The following GALNTL5 variants were observed in gnomAD, a reference collection of about 807,000 sequenced individuals.
GALNTL5 encodes inactive polypeptide N-acetylgalactosaminyltransferase-like protein 5.
GALNTL5 carries 44 observed loss-of-function variants against 51.0 expected under a neutral mutation model. The observed-to-expected ratio is 0.86, with a 90% CI of 0.68 to 1.11. The LOEUF (loss-of-function observed/expected upper bound fraction) is 1.11, where lower values mean the gene tolerates loss of function less well. Among genes scored for constraint, GALNTL5 ranks in the 50% least tolerant of loss-of-function variants. The pLI, the probability that GALNTL5 is intolerant of heterozygous loss-of-function variation, is 0.00. For missense variants in GALNTL5, 528 were observed against 531.8 expected (o/e 0.99, Z 0.07); for synonymous variants, 192 against 182.8 (o/e 1.05, Z -0.41).
chr7:151,987,874 C>T (rs116816758), intron 5 of GALNTL5, among the ~76,000 whole-genome samples: 3,001 of 152,268 alleles, frequency 0.02, 95 homozygotes, highest in African/African-American at 0.068. Context: ...AAAGGCTGCC[C>T]GTTAGGGAGA....
chr7:151,994,741 C>CT (rs1259381950), intron 5 of GALNTL5, among the ~76,000 whole-genome samples: 1 of 146,474 alleles, frequency 6.8e-6, no homozygotes, highest in Non-Finnish European at 1.5e-5. Flanking sequence ...CTATCCCTCT[C>CT]TATCATCACC....
chr7:152,000,595 T>C (rs1172144946), intron 5 of GALNTL5, among the ~76,000 whole-genome samples: 3 of 152,206 alleles, frequency 2.0e-5, no homozygotes, highest in Non-Finnish European at 4.4e-5. Context: ...ATTGTCTGTC[T>C]TTTTCATTCT....
rs34271081 is a variant in GALNTL5, at chr7:152,007,413, C to CTTT, written c.909-394_909-392dup. ...GATAATTTTAGTATTAATGTTTTCTCTTTTTTTTTTTTTTTTTTTTTTGAG... is the reference window on the plus strand; with the variant it reads ...GATAATTTTAGTATTAATGTTTTCTCTTTTTTTTTTTTTTTTTTTTTTTTTGAG... On this transcript the variant is annotated intron_variant, in intron 6 of 8. Coordinates refer to ENST00000392800, the MANE Select transcript of GALNTL5 (RefSeq NM_145292.4). 2.3e-3 allele frequency among the ~76,000 whole-genome samples: 258 copies of CTTT among 109,924 alleles called. 1 individual carries two copies. Among genetic ancestry groups the CTTT allele is most frequent in the African/African-American group, 3.9e-3 (114 of 29,260 alleles). 72.1% of individuals were successfully genotyped at this position (109,924 alleles called of 152,430 possible).
chr7:151,994,322 ACT>A (rs2081465916), intron 5 of GALNTL5, among the ~76,000 whole-genome samples: 1 of 151,200 alleles, frequency 6.6e-6, no homozygotes, highest in Non-Finnish European at 1.5e-5. Context: ...TTTTTTATCA[ACT>A]CTATTGAGAT....
intron 3 of GALNTL5, among the ~76,000 whole-genome samples, chr7:151,980,891 A>G (rs111766388): frequency 0.019 from 2,728 of 141,696 alleles, 122 homozygotes; most frequent in East Asian, 0.085. Flanking sequence ...GACTACAGGC[A>G]CCCGCCACTG....
rs1246241179 is a variant in GALNTL5, at chr7:152,002,737, A to G, written c.682A>G (p.Ser228Gly). 1 of 1,614,202 alleles carries G rather than the reference A, an allele frequency of 6.2e-7. No homozygotes were observed. Among genetic ancestry groups the G allele is most frequent in the African/African-American group, 1.3e-5 (1 of 75,044 alleles). ...ASGDVLVFLD[S>G]HCEVNRVWLE... ...AGGGGATGTTCTGGTGTTCCTGGAC[A>G]GCCACTGTGAGGTGAACAGAGTATG... Residue 228 changes from serine (S) to glycine (G), a missense_variant, in exon 6 of 9, where the codon AGC becomes GGC. Ser to Gly is a moderately conservative substitution (Grantham distance 56). Coordinates refer to ENST00000392800, the MANE Select transcript of GALNTL5 (RefSeq NM_145292.4).
At chr7:151,979,151 C>T (rs2081245039) in intron 3 of GALNTL5, among the ~76,000 whole-genome samples, 1 of 147,132 alleles carries the variant, frequency 6.8e-6, no homozygotes, top group African/African-American at 2.6e-5. Flanking sequence ...ACTCTGTCAC[C>T]CAGGCTGGAG....
In GALNTL5 at chr7:152,014,657, G is replaced by A; in HGVS notation, c.1040G>A (p.Gly347Glu). ...LELSLRIWMC[G>E]GQLFIIPCSR... Reference sequence around the variant, plus strand: ...TCTTATGCCTAGATCTGGATGTGTGGAGGCCAACTCTTTATAATCCCCTGC... The same window carrying A: ...TCTTATGCCTAGATCTGGATGTGTGAAGGCCAACTCTTTATAATCCCCTGC... Residue 347 changes from glycine (G) to glutamate (E), a missense_variant, in exon 8 of 9, where the codon GGA (glycine) becomes GAA (glutamate). Transcript: ENST00000392800. 2 of 1,606,272 alleles carry A rather than the reference G, an allele frequency of 1.2e-6. No homozygotes were observed. The highest frequency in any genetic ancestry group is 2.2e-5 in the South Asian group (2 of 89,272).
chr7:151,988,615 T>C (rs2081390433), intron 5 of GALNTL5, among the ~76,000 whole-genome samples: 1 of 152,036 alleles, frequency 6.6e-6, no homozygotes, highest in Non-Finnish European at 1.5e-5. Context: ...AAACACAATA[T>C]GGAGAGCATC....
At chr7:151,992,743 T>C (rs2081443195) in intron 5 of GALNTL5, among the ~76,000 whole-genome samples, 2 of 152,214 alleles carry the variant, frequency 1.3e-5, no homozygotes, top group African/African-American at 4.8e-5. Context: ...GTTCAACCCG[T>C]AGCACTACGG....
At chr7:151,980,944 AC>A (rs1416224131) in intron 3 of GALNTL5, among the ~76,000 whole-genome samples, 1 of 151,414 alleles carries the variant, frequency 6.6e-6, no homozygotes, top group Non-Finnish European at 1.5e-5. Flanking sequence ...ACGGGGTTTC[AC>A]CGTGTTAGCC....
chr7:151,964,806 T>C (rs74615099), intron 1 of GALNTL5, among the ~76,000 whole-genome samples: 2,848 of 152,298 alleles, frequency 0.019, 54 homozygotes, highest in Non-Finnish European at 0.032. Context: ...CCTGCCTTAT[T>C]GGAAGCTCTT....
chr7:151,989,179 T>G (rs1287944146), intron 5 of GALNTL5, among the ~76,000 whole-genome samples: 1 of 151,716 alleles, frequency 6.6e-6, no homozygotes, highest in Non-Finnish European at 1.5e-5. Flanking sequence ...TTAGACAGTC[T>G]CGCTCTGTCA....
chr7:151,972,874 A>G (rs1311169875), intron 3 of GALNTL5, among the ~76,000 whole-genome samples: 1 of 152,180 alleles, frequency 6.6e-6, no homozygotes, highest in Non-Finnish European at 1.5e-5. Context: ...TGCAGAGGTG[A>G]AATGTGGGGA....
At chr7:151,964,121 G>A (rs2081028167) in intron 1 of GALNTL5, among the ~76,000 whole-genome samples, 1 of 152,088 alleles carries the variant, frequency 6.6e-6, no homozygotes. Context: ...TTCGCGCTGT[G>A]CCCTCACCGG....
Position 152,014,744 on chromosome 7 carries a change from T to C in GALNTL5, c.1127T>C (p.Met376Thr), listed in dbSNP as rs1266066266. The change falls in exon 8 of 9, where the codon ATG becomes ACG. Residue 376 changes from methionine to threonine, a missense_variant. Met to Thr is a moderately conservative substitution (Grantham distance 81, BLOSUM62 -1). Transcript: ENST00000392800. ...TGKPSTIISA[M>T]THNYLRLVHV... ...AAACCTTCTACAATCATCAGTGCTATGACACATAACTACCTAAGACTGGTG... is the reference window on the plus strand; with the variant it reads ...AAACCTTCTACAATCATCAGTGCTACGACACATAACTACCTAAGACTGGTG... 6.2e-7 allele frequency: 1 copy of C among 1,613,982 alleles called. No homozygotes were observed. Among genetic ancestry groups the C allele is most frequent in the Non-Finnish European group, 8.5e-7 (1 of 1,179,934 alleles).
intron 1 of GALNTL5, among the ~76,000 whole-genome samples, chr7:151,961,128 G>T (rs932618141): frequency 1.1e-4 from 17 of 152,224 alleles, no homozygotes; most frequent in Admixed American, 9.2e-4. Flanking sequence ...GGAGTTCGAG[G>T]CTGCAGTGAG....
chr7:152,000,085 G>A (rs1170991520), intron 5 of GALNTL5, among the ~76,000 whole-genome samples: 2 of 152,328 alleles, frequency 1.3e-5, no homozygotes, highest in East Asian at 1.9e-4. Context: ...TGGGATTGAG[G>A]AGAAGTGAAC....
intron 5 of GALNTL5, among the ~76,000 whole-genome samples, chr7:151,990,065 T>C (rs1359971009): frequency 5.3e-5 from 8 of 151,774 alleles, no homozygotes. Context: ...TATTTTGAGA[T>C]AGGGTCTCAC....
Sources: allele counts gnomAD v4.1 joint callset (sites outside exome capture counted in the v4.1 genomes callset), GRCh38; gene constraint gnomAD v4.1.1; transcripts MANE v1.5; gene names NCBI Gene and HGNC (gene_info 2026-07-23, HGNC 2026-07-21).